Variants in YIPF5 observed in about 807,000 individuals in gnomAD.
YIPF5 encodes Yip1 domain family member 5.
Under a neutral mutation model 30.4 loss-of-function variants are expected in YIPF5, and 8 were observed. The observed-to-expected ratio is 0.26, with a 90% CI of 0.15 to 0.47. YIPF5 has a LOEUF of 0.47. Ranked by LOEUF, YIPF5 falls within the 20% of genes least tolerant of loss-of-function variation. YIPF5 has a pLI of 0.99. For synonymous variants in YIPF5, 104 were observed against 107.9 expected (o/e 0.96, Z 0.23); for missense variants, 282 against 301.8 (o/e 0.93, Z 0.49).
At chr5:144,165,263 G>C (rs1347164736) in intron 3 of YIPF5, among the ~76,000 whole-genome samples, 169 bp downstream of exon 3, 2 of 152,052 alleles carry the variant, frequency 1.3e-5, no homozygotes, top group Non-Finnish European at 2.9e-5. Context: ...GTCCCCTCTG[G>C]CCCAATGTGG....
intron 5 of YIPF5, among the ~76,000 whole-genome samples, chr5:144,161,323 C>T (rs1752034272): frequency 7.2e-6 from 1 of 139,206 alleles, no homozygotes; most frequent in African/African-American, 2.7e-5. Flanking sequence ...GTAATGTATA[C>T]CTTTCCTTCC....
In YIPF5 at chr5:144,162,413, A is replaced by T; in HGVS notation, c.430-14T>A. On this transcript the variant is annotated splice_polypyrimidine_tract_variant and intron_variant, in intron 4 of 5. Coordinates refer to ENST00000274496, the MANE Select transcript of YIPF5 (RefSeq NM_030799.9). ...GATTTTGCCAGCCTATGGGTAAAGA[A>T]GATTACAGGTTAAAGGGCAAAAAAT... 6.2e-7 allele frequency: 1 copy of T among 1,604,520 alleles called. No individual in the cohort carries two copies. Among genetic ancestry groups the T allele is most frequent in the Non-Finnish European group, 8.5e-7 (1 of 1,174,980 alleles).
Position 144,162,908 on chromosome 5 carries a change from A to AAGCC in YIPF5, c.430-513_430-510dup, listed in dbSNP as rs556831287. 2.1e-3 allele frequency among the ~76,000 whole-genome samples: 321 copies of AAGCC among 152,308 alleles called. 2 individuals are homozygous for AAGCC. The highest frequency in any genetic ancestry group is 7.4e-3 in the African/African-American group (309 of 41,588). ...GGTGCTAGAGGAGCAAGGGGAAAGG[A>AAGCC]AGCCAGGATAAACAGGAAGCCAGGG... On this transcript the variant is annotated intron_variant, in intron 4 of 5. Coordinates refer to ENST00000274496, the MANE Select transcript of YIPF5 (RefSeq NM_030799.9).
chr5:144,165,847 C>G (rs1210001637), intron 2 of YIPF5, among the ~76,000 whole-genome samples: 3 of 152,124 alleles, frequency 2.0e-5, no homozygotes, highest in Non-Finnish European at 4.4e-5. Context: ...TATTCACTTA[C>G]ATAGCACTAA....
At chr5:144,170,485 A>T (rs1752346639) in intron 1 of YIPF5, 50 bp downstream of exon 1, 1 of 166,176 alleles carries the variant, frequency 6.0e-6, no homozygotes, top group East Asian at 1.8e-4. Context: ...GCCCATTTGC[A>T]CGGGTGTGGA....
At chr5:144,163,881 C>A in intron 4 of YIPF5, 1 of 377,750 alleles carries the variant, frequency 2.6e-6, no homozygotes, top group Non-Finnish European at 4.4e-6. Context: ...TTGTTTTTTC[C>A]CCTAATAATT....
intron 5 of YIPF5, among the ~76,000 whole-genome samples, chr5:144,160,969 C>T (rs576139854): frequency 6.6e-6 from 1 of 151,938 alleles, no homozygotes; most frequent in South Asian, 2.1e-4. Context: ...TCAAATGTCC[C>T]CTTGGAGGCA....
Position 144,160,044 on chromosome 5 carries a change from A to T in YIPF5, c.*353T>A. The T allele has an allele frequency of 2.0e-6, 2 of 995,900 alleles. No individual in the cohort carries two copies. Among genetic ancestry groups the T allele is most frequent in the Non-Finnish European group, 2.4e-6 (2 of 837,146 alleles). 61.7% of individuals were successfully genotyped at this position (995,900 alleles called of 1,614,324 possible). A position where few individuals can be genotyped will look rare whatever the true frequency, so the allele number is the denominator to read the frequency against. On this transcript the variant is annotated 3_prime_UTR_variant, in exon 6 of 6. Transcript: ENST00000274496. The stretch of plus-strand genomic sequence containing the variant: ...TCTTTACTGTGACTGGGTCGTTTTT[A>T]AGAAAGGTTATCAGCTTTGTGTTTG...
rs1752354616 is a variant in YIPF5, at chr5:144,170,635, G to A, written c.-111C>T. The A allele has an allele frequency of 6.6e-6, 1 of 152,422 alleles. No individual in the cohort carries two copies. The allele number at this position is 152,422 out of a possible 1,614,324, so 9.4% of individuals were successfully genotyped here. On this transcript the variant is annotated 5_prime_UTR_variant, in exon 1 of 6. Transcript: ENST00000274496. ...CCCTGAACCAGCCCCGTTGCTACGT[G>A]TCACAGGGCCAAAGAACGGCTTCCG...
chr5:144,166,321 A>G (rs924973178), intron 2 of YIPF5, among the ~76,000 whole-genome samples: 1 of 152,246 alleles, frequency 6.6e-6, no homozygotes, highest in Non-Finnish European at 1.5e-5. Flanking sequence ...GGAAAGGCTT[A>G]TCACAGCTAT....
chr5:144,164,354 C>A, intron 3 of YIPF5, 98 bp from the exon 4 acceptor site: 2 of 1,063,874 alleles, frequency 1.9e-6, no homozygotes, highest in Admixed American at 2.7e-5. Context: ...GACATAGCAT[C>A]AAAAAAGGAT....
rs146066857 is a variant in YIPF5, at chr5:144,169,090, T to C, written c.110+756A>G. On this transcript the variant is annotated intron_variant, in intron 2 of 5. Coordinates refer to ENST00000274496, the MANE Select transcript of YIPF5 (RefSeq NM_030799.9). ...GAACCATCTAAAAAAGTTTAAGCAA[T>C]CCTAGTATAGGAAGCTCCTTTATTT... Among the ~76,000 whole-genome samples, 13 of 152,292 alleles carry C rather than the reference T, an allele frequency of 8.5e-5. No homozygotes were observed. In the East Asian group the frequency reaches 2.1e-3, roughly 25 times the overall value.
intron 3 of YIPF5, 46 bp downstream of exon 3, chr5:144,165,386 C>G (rs1342974257): frequency 6.4e-7 from 1 of 1,566,574 alleles, no homozygotes; most frequent in South Asian, 1.2e-5. Context: ...TTTCACTAAC[C>G]AGCTGAATAC....
intron 2 of YIPF5, 89 bp downstream of exon 2, chr5:144,169,757 C>T: frequency 1.9e-6 from 2 of 1,053,398 alleles, no homozygotes; most frequent in Non-Finnish European, 2.9e-6. Flanking sequence ...AGGACATGTT[C>T]ACATATTGTT....
chr5:144,160,303 A>C lies in YIPF5; in HGVS notation c.*94T>G. ...CAACAGTCAAATGTAAATCTGCATG[A>C]GAGTTGCGCTGCAGCAGTTTGCTGG... On this transcript the variant is annotated 3_prime_UTR_variant, in exon 6 of 6. Coordinates refer to ENST00000274496, the MANE Select transcript of YIPF5 (RefSeq NM_030799.9). 1 of 1,520,682 alleles carries C rather than the reference A, an allele frequency of 6.6e-7. No homozygotes were observed. The highest frequency in any genetic ancestry group is 8.8e-7 in the Non-Finnish European group (1 of 1,135,440). 94.2% of individuals were successfully genotyped at this position (1,520,682 alleles called of 1,614,324 possible). A position where few individuals can be genotyped will look rare whatever the true frequency, so the allele number is the denominator to read the frequency against.
Position 144,158,668 on chromosome 5 carries a change from G to C in YIPF5, c.*1729C>G, listed in dbSNP as rs78493488. 211 of 1,029,622 alleles carry C rather than the reference G, an allele frequency of 2.0e-4. 4 individuals carry two copies. In the East Asian group the frequency reaches 0.015, roughly 75 times the overall value. 63.8% of individuals were successfully genotyped at this position (1,029,622 alleles called of 1,614,324 possible). A position where few individuals can be genotyped will look rare whatever the true frequency, so the allele number is the denominator to read the frequency against. ...GAATTACAATAAAAAATTTGGTTAA[G>C]TTGGAAAGCCTATCAAATTACCTTC... On this transcript the variant is annotated 3_prime_UTR_variant, in exon 6 of 6. Transcript: ENST00000274496.
chr5:144,163,782 A>T, intron 4 of YIPF5: 1 of 172,854 alleles, frequency 5.8e-6, no homozygotes, highest in Non-Finnish European at 1.2e-5. Flanking sequence ...AAAAAAAAAA[A>T]GCAATAGTGT....
At chr5:144,164,348 T>G in intron 3 of YIPF5, 92 bp from the exon 4 acceptor site, 1 of 1,152,152 alleles carries the variant, frequency 8.7e-7, no homozygotes, top group Non-Finnish European at 1.2e-6. Context: ...CAAAATGACA[T>G]AGCATCAAAA....
intron 2 of YIPF5, among the ~76,000 whole-genome samples, chr5:144,167,802 T>C (rs749127475): frequency 6.6e-6 from 1 of 152,218 alleles, no homozygotes; most frequent in African/African-American, 2.4e-5. Flanking sequence ...ACAATGCAAG[T>C]AATATGCTAT....
Sources: allele counts gnomAD v4.1 joint callset (sites outside exome capture counted in the v4.1 genomes callset), GRCh38; gene constraint gnomAD v4.1.1; transcripts MANE v1.5; gene names NCBI Gene and HGNC (gene_info 2026-07-23, HGNC 2026-07-21).